Variants in HMCN1 observed in about 807,000 individuals in gnomAD.
The protein encoded by HMCN1 is hemicentin 1, also known as hemicentin-1.
HMCN1 carries 321 observed loss-of-function variants against 625.9 expected under a neutral mutation model. That is an observed-to-expected ratio of 0.51 (90% CI 0.47 to 0.56). The LOEUF (loss-of-function observed/expected upper bound fraction) is 0.56, where lower values mean the gene tolerates loss of function less well. Among genes scored for constraint, HMCN1 ranks in the 20% least tolerant of loss-of-function variants. The pLI, the probability that HMCN1 is intolerant of heterozygous loss-of-function variation, is 0.00. For synonymous variants in HMCN1, 2,425 were observed against 2,417.6 expected (o/e 1.00, Z -0.09); for missense variants, 6,588 against 6,887.3 (o/e 0.96, Z 1.54).
intron 11 of HMCN1, among the ~76,000 whole-genome samples, chr1:185,938,553 A>G (rs1182259676): frequency 6.6e-6 from 1 of 152,154 alleles, no homozygotes; most frequent in African/African-American, 2.4e-5. Context: ...CATTTTCCTT[A>G]TTCCCTAGAT....
intron 6 of HMCN1, among the ~76,000 whole-genome samples, chr1:185,913,278 T>C (rs1666528978): frequency 6.6e-6 from 1 of 152,204 alleles, no homozygotes; most frequent in Admixed American, 6.6e-5. Context: ...TTCCACCCAG[T>C]TCCTTGCACA....
chr1:186,073,199 G>T (rs1003919324), intron 52 of HMCN1, among the ~76,000 whole-genome samples: 5 of 152,142 alleles, frequency 3.3e-5, no homozygotes, highest in Non-Finnish European at 7.4e-5. Flanking sequence ...AGTGAAAAAG[G>T]TACTTCAAAA....
At position 186,110,977 on chromosome 1, in the gene HMCN1, C is replaced by CTTTTTTT. The variant is rs557887846; in HGVS notation, c.10990-1820_10990-1814dup. Among the ~76,000 whole-genome samples, 112 of 61,624 alleles carry CTTTTTTT rather than the reference C, an allele frequency of 1.8e-3. 26 individuals carry two copies. The highest frequency in any genetic ancestry group is 6.1e-3 in the African/African-American group (62 of 10,182). 40.4% of individuals were successfully genotyped at this position (61,624 alleles called of 152,430 possible). On this transcript the variant is annotated intron_variant, in intron 71 of 106. Transcript: ENST00000271588. ...TACGGAAGAAAAACCAGAGAAAATT[C>CTTTTTTT]TTTTTTTTTTTTTTTTTTTTTGAGA...
rs773130700 is a variant in HMCN1 at position 185,865,800 on chromosome 1, T to G, written c.558T>G (p.Tyr186Ter). Residue 186 changes from tyrosine to a stop codon, truncating the protein, a stop_gained, in exon 4 of 107, where the codon TAT becomes TAG. Transcript: ENST00000271588. LOFTEE classifies it high-confidence loss of function. ...GGACCCATATTGGATATAAAGTCTA[T>G]GAAGAAATTGCCTCTACAAGTTCTG... ...DDRTHIGYKV[Y>*]EEIASTSSGQ... 3 of 1,612,714 alleles carry G rather than the reference T, an allele frequency of 1.9e-6. No homozygotes were observed. Among genetic ancestry groups the G allele is most frequent in the Admixed American group, 1.7e-5 (1 of 59,968 alleles).
rs1180855395 is a variant in HMCN1 at position 185,984,213 on chromosome 1, C to A, written c.2835C>A (p.Leu945=). 1.2e-6 allele frequency: 2 copies of A among 1,613,516 alleles called. No individual in the cohort carries two copies. Among genetic ancestry groups the A allele is most frequent in the Admixed American group, 3.3e-5 (2 of 59,998 alleles). ...PYITVRSDGS[L]HIERVQLQDG... is the part of the protein sequence containing the mutation. ...TCACTGTGCGCAGTGATGGGAGCCT[C>A]CATATTGAAAGAGTTCAGCTTCAGG... is the stretch of plus-strand genomic sequence containing the variant. The change falls in exon 19 of 107, where the codon CTC becomes CTA. Residue 945 remains leucine (L), a synonymous_variant. Transcript: ENST00000271588.
At chr1:185,978,084 C>T in intron 16 of HMCN1, 103 bp downstream of exon 16, 1 of 838,506 alleles carries the variant, frequency 1.2e-6, no homozygotes, top group African/African-American at 1.7e-5. Context: ...TTAATCTTGC[C>T]AACACATTTT....
At chr1:185,814,449 T>C (rs1264615215) in intron 1 of HMCN1, among the ~76,000 whole-genome samples, 2 of 152,152 alleles carry the variant, frequency 1.3e-5, no homozygotes, top group Non-Finnish European at 2.9e-5. Flanking sequence ...AAATTACTCA[T>C]ACTTCTACTT....
intron 1 of HMCN1, among the ~76,000 whole-genome samples, chr1:185,756,838 A>AT (rs201914042): frequency 0.085 from 12,309 of 145,432 alleles, 568 homozygotes; most frequent in African/African-American, 0.14. Context: ...AATGACTATC[A>AT]TTTTTTTTTT....
rs147279407 is a variant in HMCN1 at position 186,068,035 on chromosome 1, A to G, written c.7879+28A>G. On this transcript the variant is annotated intron_variant, in intron 50 of 106. Coordinates refer to ENST00000271588, the MANE Select transcript of HMCN1 (RefSeq NM_031935.3). ...AATTCATTTGCTTCAGATGTCCAAG[A>G]TGCATCTGCGTCATCTACTATTCTA... The G allele has an allele frequency of 1.1e-4, 178 of 1,569,872 alleles. No homozygotes were observed. The African/African-American group carries it at 1.9e-3, about 17-fold the overall frequency.
intron 103 of HMCN1, chr1:186,177,057 C>CT (rs1414836853): frequency 6.8e-6 from 1 of 146,680 alleles, no homozygotes; most frequent in African/African-American, 2.7e-5. Flanking sequence ...GTAATCCCAG[C>CT]ACTTTGGGAG....
chr1:186,074,696 T>C lies in HMCN1; in HGVS notation c.8140-45T>C, dbSNP rs200582674. 1.3e-5 allele frequency: 20 copies of C among 1,581,238 alleles called. No homozygotes were observed. In the East Asian group the frequency reaches 2.5e-4, roughly 20 times the overall value. On this transcript the variant is annotated intron_variant, in intron 52 of 106. Coordinates refer to ENST00000271588, the MANE Select transcript of HMCN1 (RefSeq NM_031935.3). The stretch of plus-strand genomic sequence containing the variant: ...ATCAACTGCATGGCCTCTTAGAGGA[T>C]TCATTATAGCACTTAATGCTAACAT...
At chr1:186,031,669 A>C (rs1455615414) in intron 36 of HMCN1, among the ~76,000 whole-genome samples, 1 of 151,976 alleles carries the variant, frequency 6.6e-6, no homozygotes, top group African/African-American at 2.4e-5. Context: ...CACAAGTCTT[A>C]GAGGCTCTAT....
intron 4 of HMCN1, among the ~76,000 whole-genome samples, chr1:185,866,205 G>T (rs1469112579): frequency 1.3e-5 from 2 of 151,948 alleles, no homozygotes; most frequent in African/African-American, 4.8e-5. Flanking sequence ...GGCTAAACTG[G>T]TTACTGAAGT....
chr1:185,882,141 G>A (rs1381723123), intron 4 of HMCN1, among the ~76,000 whole-genome samples: 1 of 152,086 alleles, frequency 6.6e-6, no homozygotes, highest in Non-Finnish European at 1.5e-5. Context: ...TTTTGTTTTA[G>A]GAGATTAGTA....
Position 186,086,322 on chromosome 1 carries a change from G to A in HMCN1, c.8961G>A (p.Glu2987=), listed in dbSNP as rs1335668800. The A allele has an allele frequency of 1.9e-6, 3 of 1,613,262 alleles. No homozygotes were observed. Among genetic ancestry groups the A allele is most frequent in the South Asian group, 1.1e-5 (1 of 91,062 alleles). Residue 2987 remains glutamate, a synonymous_variant, in exon 58 of 107, where the codon GAG becomes GAA. Transcript: ENST00000271588. The part of the protein sequence containing the change: ...VVNNFISLTC[E]VSGFPPPDLS... ...ACAATTTCATCTCTTTGACCTGTGAGGTCTCTGGTTTTCCACCTCCTGACC... is the reference window on the plus strand; with the variant it reads ...ACAATTTCATCTCTTTGACCTGTGAAGTCTCTGGTTTTCCACCTCCTGACC...
At chr1:185,965,384 G>C (rs1650333921) in intron 13 of HMCN1, among the ~76,000 whole-genome samples, 1 of 151,952 alleles carries the variant, frequency 6.6e-6, no homozygotes, top group East Asian at 1.9e-4. Flanking sequence ...TCTTAATTTA[G>C]CTGTCAGTCT....
At position 185,739,271 on chromosome 1, in the gene HMCN1, A is replaced by G. The variant is rs548188805; in HGVS notation, c.268+4224A>G. On this transcript the variant is annotated intron_variant, in intron 1 of 106. Transcript: ENST00000271588. ...AATTTCTTTGTCTAGTCCATCGTTG[A>G]TGGGCATCTAGGTTGATTCCATGTC... Among the ~76,000 whole-genome samples, 5 of 152,276 alleles carry G rather than the reference A, an allele frequency of 3.3e-5. No individual in the cohort carries two copies. In the East Asian group the frequency reaches 9.6e-4, roughly 29 times the overall value.
chr1:185,951,147 TG>T (rs1294846324), intron 11 of HMCN1, among the ~76,000 whole-genome samples: 2 of 150,036 alleles, frequency 1.3e-5, no homozygotes, highest in African/African-American at 2.5e-5. Flanking sequence ...TGGGTTAAGG[TG>T]GGGGGATACA....
rs114467106 is a variant in HMCN1, at chr1:186,120,225, A to T, written c.12229+80A>T. The T allele has an allele frequency of 2.4e-3, 3,471 of 1,463,062 alleles. 62 individuals are homozygous for T. In the African/African-American group the frequency reaches 0.042, roughly 18 times the overall value. 90.6% of individuals were successfully genotyped at this position (1,463,062 alleles called of 1,614,324 possible). ...ACCAAATATTTATATATCTAAAATG[A>T]TTATGCTGCTGTTCCCCCATAGTTC... On this transcript the variant is annotated intron_variant, in intron 80 of 106. Transcript: ENST00000271588.
Sources: allele counts gnomAD v4.1 joint callset (sites outside exome capture counted in the v4.1 genomes callset), GRCh38; gene constraint gnomAD v4.1.1; transcripts MANE v1.5; gene names NCBI Gene and HGNC (gene_info 2026-07-23, HGNC 2026-07-21).